CACNB4: variants seen among roughly 807,000 people sequenced by gnomAD.
The protein encoded by CACNB4 is calcium voltage-gated channel auxiliary subunit beta 4.
In CACNB4, 32 loss-of-function variants were observed where a neutral mutation model predicts 71.2. The ratio of observed to expected loss-of-function variants is 0.45; its 90% confidence interval spans 0.34 to 0.60. CACNB4 has a LOEUF of 0.60. Among genes scored for constraint, CACNB4 ranks in the 20% least tolerant of loss-of-function variants. The probability of loss-of-function intolerance (pLI) is 0.01; values close to 1 mark genes in which losing one functional copy is unlikely to be tolerated. For synonymous variants in CACNB4, 231 were observed against 236.9 expected (o/e 0.97, Z 0.23); for missense variants, 464 against 647.9 (o/e 0.72, Z 3.08).
At chr2:152,092,283 T>C (rs1688015644) in intron 2 of CACNB4, among the ~76,000 whole-genome samples, 1 of 152,268 alleles carries the variant, frequency 6.6e-6, no homozygotes, top group African/African-American at 2.4e-5. Context: ...ATATGATTAT[T>C]CTTAGAGCTA....
intron 9 of CACNB4, among the ~76,000 whole-genome samples, chr2:151,864,541 A>C (rs1295375423): frequency 6.6e-6 from 1 of 152,222 alleles, no homozygotes; most frequent in East Asian, 1.9e-4. Context: ...AGACAGTATA[A>C]TAATTTTTGA....
At chr2:152,012,840 A>G (rs921274234) in intron 2 of CACNB4, among the ~76,000 whole-genome samples, 4 of 152,188 alleles carry the variant, frequency 2.6e-5, no homozygotes, top group African/African-American at 9.7e-5. Context: ...TTGTACAGGG[A>G]TAAAGTCTAC....
intron 2 of CACNB4, among the ~76,000 whole-genome samples, chr2:152,030,613 A>T (rs1007300093): frequency 6.6e-6 from 1 of 152,126 alleles, no homozygotes; most frequent in East Asian, 1.9e-4. Flanking sequence ...TCCCCACTTG[A>T]CAGGCCCCAG....
Position 152,095,691 on chromosome 2 carries a change from C to T in CACNB4, c.147+2639G>A, listed in dbSNP as rs1015520904. On this transcript the variant is annotated intron_variant, in intron 2 of 13. Transcript: ENST00000539935. ...TTTGTTTGATGGAGTCCTGCTCTGT[C>T]GCCCGGCTGGAATGCTGTGGAGCAA... is the stretch of plus-strand genomic sequence containing the variant. Among the ~76,000 whole-genome samples, 10 of 152,236 alleles carry T rather than the reference C, an allele frequency of 6.6e-5. No individual in the cohort carries two copies. The South Asian group carries it at 1.9e-3, about 28-fold the overall frequency.
intron 13 of CACNB4, among the ~76,000 whole-genome samples, chr2:151,839,754 T>C (rs935189575): frequency 2.0e-5 from 3 of 152,228 alleles, no homozygotes; most frequent in Admixed American, 6.5e-5. Flanking sequence ...CAGAATAGCA[T>C]TTATTATTTC....
intron 2 of CACNB4, among the ~76,000 whole-genome samples, chr2:151,983,361 C>A (rs1369585493): frequency 1.3e-5 from 2 of 152,182 alleles, no homozygotes; most frequent in Admixed American, 1.3e-4. Flanking sequence ...TCTGATTGGT[C>A]ATTTCCTTTG....
intron 2 of CACNB4, among the ~76,000 whole-genome samples, chr2:152,093,237 C>T (rs1579285594): frequency 6.6e-6 from 1 of 152,116 alleles, no homozygotes; most frequent in African/African-American, 2.4e-5. Flanking sequence ...TTTAAAATCA[C>T]GTGCCTCTAG....
chr2:151,956,948 C>T (rs947155746), intron 2 of CACNB4, among the ~76,000 whole-genome samples: 1 of 152,116 alleles, frequency 6.6e-6, no homozygotes, highest in Non-Finnish European at 1.5e-5. Flanking sequence ...GAGTTCAAGA[C>T]CAGCCTGACC....
intron 2 of CACNB4, among the ~76,000 whole-genome samples, chr2:152,025,609 C>G (rs7591461): frequency 0.36 from 54,794 of 152,168 alleles, 11,649 homozygotes; most frequent in African/African-American, 0.59. Flanking sequence ...CTCAAATCAT[C>G]TATGAAGTAC....
chr2:151,909,450 C>CAAAAAAAAAAAAAAAAAAAA (rs11324988), intron 2 of CACNB4, among the ~76,000 whole-genome samples: 1 of 105,612 alleles, frequency 9.5e-6, no homozygotes, highest in Non-Finnish European at 2.5e-5. Context: ...AGGAAAAAAA[C>CAAAAAAAAAAAAAAAAAAAA]AAAAAAAAAA....
At chr2:151,874,483 A>G (rs1212691339) in intron 5 of CACNB4, among the ~76,000 whole-genome samples, 2 of 151,972 alleles carry the variant, frequency 1.3e-5, no homozygotes, top group African/African-American at 4.8e-5. Context: ...AAAAAAAAGA[A>G]GAAGTATGAG....
At chr2:151,976,992 A>T (rs2099873928) in intron 2 of CACNB4, among the ~76,000 whole-genome samples, 1 of 152,184 alleles carries the variant, frequency 6.6e-6, no homozygotes, top group Admixed American at 6.5e-5. Context: ...ACAGTTCTCC[A>T]GCTGAATGAT....
intron 2 of CACNB4, among the ~76,000 whole-genome samples, chr2:151,945,477 C>G (rs1436686852): frequency 6.6e-6 from 1 of 151,748 alleles, no homozygotes; most frequent in African/African-American, 2.4e-5. Context: ...GGTGGTGAAA[C>G]CTTGTCTCTA....
At position 151,876,584 on chromosome 2, in the gene CACNB4, A is replaced by G. The variant is rs2099846309; in HGVS notation, c.391-28T>C. The G allele has an allele frequency of 2.9e-6, 4 of 1,383,102 alleles. No individual in the cohort carries two copies. The African/African-American group carries it at 5.3e-5, about 18-fold the overall frequency. The allele number at this position is 1,383,102 out of a possible 1,614,324, so 85.7% of individuals were successfully genotyped here. ...GGAATTCAGAAATAAAATTGCTATC[A>G]ATAGTAATTCACTTATCTTCACGTT... On this transcript the variant is annotated intron_variant, in intron 4 of 13. Transcript: ENST00000539935.
At chr2:151,848,962 T>C (rs2099838322) in intron 12 of CACNB4, among the ~76,000 whole-genome samples, 1 of 152,096 alleles carries the variant, frequency 6.6e-6, no homozygotes, top group Non-Finnish European at 1.5e-5. Context: ...AAAAATGTAG[T>C]GTATAGATGT....
intron 2 of CACNB4, among the ~76,000 whole-genome samples, chr2:152,078,741 T>C (rs1407991385): frequency 2.0e-5 from 3 of 152,228 alleles, no homozygotes; most frequent in African/African-American, 7.2e-5. Flanking sequence ...ATCTAAATGT[T>C]GAAAATGGCA....
chr2:151,887,113 G>C (rs892205119), intron 2 of CACNB4, among the ~76,000 whole-genome samples: 1 of 152,154 alleles, frequency 6.6e-6, no homozygotes, highest in East Asian at 1.9e-4. Flanking sequence ...AAGAATGTTA[G>C]ATGCTAAGAG....
At chr2:151,989,835 C>G (rs1362873493) in intron 2 of CACNB4, among the ~76,000 whole-genome samples, 1 of 152,196 alleles carries the variant, frequency 6.6e-6, no homozygotes, top group Non-Finnish European at 1.5e-5. Flanking sequence ...TATTCTAAAA[C>G]AGAGTGACTA....
At chr2:151,885,279 TG>T (rs2099849078) in intron 2 of CACNB4, among the ~76,000 whole-genome samples, 1 of 152,212 alleles carries the variant, frequency 6.6e-6, no homozygotes, top group African/African-American at 2.4e-5. Context: ...CAGGATTAAA[TG>T]GAACAAGATA....
Sources: allele counts gnomAD v4.1 joint callset (sites outside exome capture counted in the v4.1 genomes callset), GRCh38; gene constraint gnomAD v4.1.1; transcripts MANE v1.5; gene names NCBI Gene and HGNC (gene_info 2026-07-23, HGNC 2026-07-21).